TPRG1: variants seen among roughly 807,000 people sequenced by gnomAD.
TPRG1 encodes tumor protein p63 regulated 1, also known as tumor protein p63-regulated gene 1 protein.
Under a neutral mutation model 29.3 loss-of-function variants are expected in TPRG1, and 29 were observed. That is an observed-to-expected ratio of 0.99 (90% confidence interval 0.74 to 1.35). TPRG1 has a LOEUF of 1.35. TPRG1 is among the 40% of genes most tolerant of loss of function. The pLI is 0.00. For missense variants in TPRG1, 327 were observed against 335.0 expected (o/e 0.98, Z 0.19); for synonymous variants, 130 against 116.8 (o/e 1.11, Z -0.73).
chr3:189,209,439 C>T (rs1012672995), intron 2 of TPRG1, among the ~76,000 whole-genome samples: 1 of 152,178 alleles, frequency 6.6e-6, no homozygotes, highest in African/African-American at 2.4e-5. Flanking sequence ...GCTAAATTGA[C>T]AGAGTCCAAA....
In TPRG1 at chr3:189,309,692, A is replaced by T. The variant is rs1303704075; in HGVS notation, c.480-694A>T. On this transcript the variant is annotated intron_variant, in intron 4 of 5. Transcript: ENST00000345063. Reference sequence around the variant, plus strand: ...TCAAGCTTACTTTCTCTTGCTCTGCACTTAGGTTTACCAAATGACCAGGCC... The same window carrying T: ...TCAAGCTTACTTTCTCTTGCTCTGCTCTTAGGTTTACCAAATGACCAGGCC... Among the ~76,000 whole-genome samples the T allele has an allele frequency of 2.0e-5, 3 of 152,148 alleles. No individual in the cohort carries two copies. The East Asian group carries it at 5.8e-4, about 29-fold the overall frequency.
At chr3:189,023,026 A>G (rs886496485) in intron 3 of TPRG1, among the ~76,000 whole-genome samples, 2 of 152,200 alleles carry the variant, frequency 1.3e-5, no homozygotes, top group African/African-American at 2.4e-5. Flanking sequence ...TTGACTCGGA[A>G]AGGGAACTCC....
intron 1 of TPRG1, among the ~76,000 whole-genome samples, chr3:189,185,949 T>C (rs1216035222): frequency 1.3e-5 from 2 of 152,210 alleles, no homozygotes; most frequent in Non-Finnish European, 1.5e-5. Context: ...TTCCAAGGAT[T>C]GTATTATACT....
chr3:189,161,467 T>C (rs967250124), intron 5 of TPRG1, among the ~76,000 whole-genome samples: 5 of 103,760 alleles, frequency 4.8e-5, no homozygotes, highest in African/African-American at 3.3e-4. Context: ...GTAGGTTCTT[T>C]TTTTTTATTA....
At chr3:189,315,586 C>CTACA (rs1443151012) in intron 5 of TPRG1, 1 of 432,332 alleles carries the variant, frequency 2.3e-6, no homozygotes, top group African/African-American at 2.1e-5. Context: ...CCATCATGAT[C>CTACA]TACAGACCAA....
chr3:189,208,852 T>C (rs561047000), intron 2 of TPRG1, among the ~76,000 whole-genome samples: 1 of 152,308 alleles, frequency 6.6e-6, no homozygotes, highest in African/African-American at 2.4e-5. Flanking sequence ...CGATATAGAA[T>C]AAAGATTTAT....
At chr3:189,305,797 C>T (rs969065984) in intron 4 of TPRG1, among the ~76,000 whole-genome samples, 4 of 152,222 alleles carry the variant, frequency 2.6e-5, no homozygotes, top group African/African-American at 7.2e-5. Flanking sequence ...GGATCCTAAA[C>T]ATCCATGACT....
At chr3:189,233,568 G>A (rs1739008181) in intron 3 of TPRG1, among the ~76,000 whole-genome samples, 3 of 152,168 alleles carry the variant, frequency 2.0e-5, no homozygotes, top group African/African-American at 7.2e-5. Context: ...AGTGGCAACT[G>A]GAAGAGATGC....
At chr3:189,054,437 A>C (rs920002428) in intron 4 of TPRG1, among the ~76,000 whole-genome samples, 1 of 151,496 alleles carries the variant, frequency 6.6e-6, no homozygotes, top group East Asian at 2.0e-4. Flanking sequence ...TTACAAACAT[A>C]AGCCACTGCA....
In TPRG1 at chr3:189,226,754, C is replaced by T. The variant is rs114303074; in HGVS notation, c.302+11371C>T. On this transcript the variant is annotated intron_variant, in intron 3 of 5. Coordinates refer to ENST00000345063, the MANE Select transcript of TPRG1 (RefSeq NM_198485.4). ...AAATTAACAAAACAAAAAGTTGGCT[C>T]TCTGAAAGGATCAATAAAATGGAAA... 8.6e-3 allele frequency among the ~76,000 whole-genome samples: 1,247 copies of T among 145,580 alleles called. 17 individuals are homozygous for T. Among genetic ancestry groups the T allele is most frequent in the African/African-American group, 0.03 (1,203 of 39,460 alleles).
intron 4 of TPRG1, among the ~76,000 whole-genome samples, chr3:189,060,167 G>A (rs1431929553): frequency 2.0e-5 from 3 of 152,226 alleles, no homozygotes; most frequent in African/African-American, 7.2e-5. Flanking sequence ...GGGAGGCAGA[G>A]GTTGTGGTGA....
intron 1 of TPRG1, among the ~76,000 whole-genome samples, chr3:189,109,030 C>A (rs1265942728): frequency 6.6e-6 from 1 of 151,880 alleles, no homozygotes; most frequent in African/African-American, 2.4e-5. Context: ...CTCAGGGGAA[C>A]TTAGAGAGTT....
chr3:189,060,554 G>T (rs1262057188), intron 4 of TPRG1, among the ~76,000 whole-genome samples: 1 of 152,000 alleles, frequency 6.6e-6, no homozygotes, highest in Non-Finnish European at 1.5e-5. Context: ...CCATAGTATT[G>T]GTTCAAAAGC....
intron 3 of TPRG1, among the ~76,000 whole-genome samples, chr3:189,141,727 T>C (rs1323256728): frequency 6.6e-6 from 1 of 152,226 alleles, no homozygotes; most frequent in Non-Finnish European, 1.5e-5. Flanking sequence ...ACATAGTCCT[T>C]GAAATTTACC....
chr3:189,189,954 G>C (rs1392645730), intron 1 of TPRG1, among the ~76,000 whole-genome samples: 1 of 152,168 alleles, frequency 6.6e-6, no homozygotes, highest in Non-Finnish European at 1.5e-5. Flanking sequence ...AGTAGAAATA[G>C]ATCTGATTAT....
In TPRG1 at chr3:189,310,368, A is replaced by T. The variant is rs1226297170; in HGVS notation, c.480-18A>T. On this transcript the variant is annotated intron_variant, in intron 4 of 5. Transcript: ENST00000345063. ...GAAATGGAAATGACTAATCTAATGG[A>T]AAACGCCTTTCTTGTAGGAGACAAG... The T allele has an allele frequency of 1.3e-6, 2 of 1,572,034 alleles. 1 individual carries two copies. The highest frequency in any genetic ancestry group is 2.4e-5 in the South Asian group (2 of 84,114).
chr3:189,198,461 T>A (rs531062387), intron 1 of TPRG1, among the ~76,000 whole-genome samples: 31 of 152,364 alleles, frequency 2.0e-4, no homozygotes, highest in African/African-American at 7.2e-4. Context: ...TATGTGTGTC[T>A]GTGAGAGAAG....
intron 1 of TPRG1, chr3:189,120,171 G>A (rs1721664259): frequency 6.6e-6 from 1 of 152,194 alleles, no homozygotes; most frequent in Admixed American, 6.5e-5. Context: ...ATTAGGGTGG[G>A]GAGGCTGTGT....
At chr3:189,088,895 A>G (rs191445571) in intron 4 of TPRG1, among the ~76,000 whole-genome samples, 155 of 152,320 alleles carry the variant, frequency 1.0e-3, no homozygotes, top group African/African-American at 3.3e-3. Flanking sequence ...TAAATTACCA[A>G]TGAAGTCACT....
Sources: allele counts gnomAD v4.1 joint callset (sites outside exome capture counted in the v4.1 genomes callset), GRCh38; gene constraint gnomAD v4.1.1; transcripts MANE v1.5; gene names NCBI Gene and HGNC (gene_info 2026-07-23, HGNC 2026-07-21).